The following CAD variants were observed in gnomAD, a reference collection of about 807,000 sequenced individuals.
The protein encoded by CAD is carbamoyl-phosphate synthetase 2, aspartate transcarbamylase, and dihydroorotase, also known as multifunctional protein CAD.
Under a neutral mutation model 237.2 loss-of-function variants are expected in CAD, and 81 were observed. The observed-to-expected ratio is 0.34, with a 90% confidence interval of 0.29 to 0.41. CAD has a LOEUF of 0.41. Ranked by LOEUF, CAD falls within the 10% of genes least tolerant of loss-of-function variation. The pLI, the probability that CAD is intolerant of heterozygous loss-of-function variation, is 1.00. For missense variants in CAD, 2,181 were observed against 2,951.7 expected, an observed-to-expected ratio of 0.74 and a Z score of 6.05; for synonymous variants, 1,196 against 1,162.8, an observed-to-expected ratio of 1.03 and a Z score of -0.58.
intron 2 of CAD, 132 bp from the exon 3 acceptor site, chr2:27,221,086 A>T (rs1675142798): frequency 1.6e-6 from 1 of 609,798 alleles, no homozygotes; most frequent in East Asian, 3.1e-5. Context: ...ACCTATGCAA[A>T]AGCACCAAAA....
At chr2:27,218,474 A>G (rs1397859988) in intron 2 of CAD, among the ~76,000 whole-genome samples, 1 of 152,132 alleles carries the variant, frequency 6.6e-6, no homozygotes, top group African/African-American at 2.4e-5. Context: ...TTTTTTTAGC[A>G]GCAGAGTCAG....
At chr2:27,221,965 A>G (rs944439731) in intron 3 of CAD, among the ~76,000 whole-genome samples, 2 of 147,708 alleles carry the variant, frequency 1.4e-5, no homozygotes, top group Admixed American at 6.8e-5. Context: ...TTTTCCCTTT[A>G]TATTATTTTC....
Position 27,222,972 on chromosome 2 carries a change from C to T in CAD, c.744C>T (p.Val248=). ...TATCTGAGCCTAATCCCCGACCTGT[C>T]TTTGGGATCTGCCTGGGACACCAGC... The part of the protein sequence containing the change: ...RVLSEPNPRP[V]FGICLGHQLL... The change falls in exon 6 of 44, where the codon GTC becomes GTT. Residue 248 remains valine (V), a synonymous_variant. Transcript: ENST00000264705. 1 of 1,614,150 alleles carries T rather than the reference C, an allele frequency of 6.2e-7. No individual in the cohort carries two copies.
rs937111753 is a variant in CAD, at chr2:27,242,488, A to G, written c.6222+61A>G. The G allele has an allele frequency of 2.0e-5, 32 of 1,591,270 alleles. No individual in the cohort carries two copies. Among genetic ancestry groups the G allele is most frequent in the Non-Finnish European group, 2.7e-5 (31 of 1,165,622 alleles). On this transcript the variant is annotated intron_variant, in intron 40 of 43. Transcript: ENST00000264705. This position sits in a 1 kb window ranked among gnomAD's most constrained non-coding sequence, Gnocchi z 6.4. ...GGACGATCTAGAGAGGGAGGCAGGA[A>G]GTGGTTACCCCGGTACAGGACAGCT...
chr2:27,222,647 A>G lies in CAD; in HGVS notation c.624A>G (p.Ala208=), dbSNP rs149796184. 3.7e-6 allele frequency: 6 copies of G among 1,613,678 alleles called. No homozygotes were observed. Among genetic ancestry groups the G allele is most frequent in the South Asian group, 1.1e-5 (1 of 91,086 alleles). The change falls in exon 5 of 44, where the codon GCA becomes GCG. Residue 208 remains alanine (A), a synonymous_variant. Coordinates refer to ENST00000264705, the MANE Select transcript of CAD (RefSeq NM_004341.5). The stretch of plus-strand genomic sequence containing the variant: ...TCACTGTGGTACCCTGGGACCATGC[A>G]CTAGACAGCCAAGGTGAGTAGCTGG... ...AEVTVVPWDH[A]LDSQEYEGLF...
chr2:27,218,055 G>A (rs1276217030), intron 2 of CAD, 39 bp downstream of exon 2: 3 of 1,538,362 alleles, frequency 2.0e-6, no homozygotes, highest in South Asian at 2.5e-5. Flanking sequence ...TCCTTTTCAA[G>A]TCAGTAATTG....
In CAD at chr2:27,240,529, C is replaced by T; in HGVS notation, c.5593+168C>T. 2.6e-6 allele frequency: 4 copies of T among 1,545,354 alleles called. No individual in the cohort carries two copies. Among genetic ancestry groups the T allele is most frequent in the Non-Finnish European group, 3.5e-6 (4 of 1,142,462 alleles). On this transcript the variant is annotated intron_variant, in intron 35 of 43. Coordinates refer to ENST00000264705, the MANE Select transcript of CAD (RefSeq NM_004341.5). This position sits in a 1 kb window ranked among gnomAD's most constrained non-coding sequence, Gnocchi z 4.6. ...AAGTCTCCCCGGTGTGAGTAGACAT[C>T]TCACAGCTTCTCACATGCCCTTTTT...
chr2:27,232,724 C>T lies in CAD; in HGVS notation c.2892+30C>T. The T allele has an allele frequency of 6.2e-7, 1 of 1,613,498 alleles. No homozygotes were observed. ...GAGAGTTCATTTTCTTTCCACTTTCCTTGCTATTCTGTTCATCTCTAGCAA... is the reference window on the plus strand; with the variant it reads ...GAGAGTTCATTTTCTTTCCACTTTCTTTGCTATTCTGTTCATCTCTAGCAA... On this transcript the variant is annotated intron_variant, in intron 18 of 43. Coordinates refer to ENST00000264705, the MANE Select transcript of CAD (RefSeq NM_004341.5). This position sits in a 1 kb window ranked among gnomAD's most constrained non-coding sequence, Gnocchi z 4.1.
chr2:27,238,199 C>T lies in CAD; in HGVS notation c.4860+12C>T. 6.2e-7 allele frequency: 1 copy of T among 1,613,240 alleles called. No individual in the cohort carries two copies. Among genetic ancestry groups the T allele is most frequent in the Non-Finnish European group, 8.5e-7 (1 of 1,179,716 alleles). On this transcript the variant is annotated intron_variant, in intron 30 of 43. Transcript: ENST00000264705. The stretch of plus-strand genomic sequence containing the variant: ...CACGGAAGGAGGAGGTAAGAGTACA[C>T]CTGAGATCCTGCTGTCCCTGTTGCT...
chr2:27,217,687 C>A (rs566367558), intron 1 of CAD, 54 bp downstream of exon 1: 2 of 1,480,178 alleles, frequency 1.4e-6, no homozygotes, highest in Non-Finnish European at 1.8e-6. Flanking sequence ...ATGCGCCTCT[C>A]CTCCCAACCT....
chr2:27,227,002 A>G (rs372394247), intron 15 of CAD, 40 bp downstream of exon 15: 8 of 1,592,580 alleles, frequency 5.0e-6, no homozygotes, highest in East Asian at 4.5e-5. Flanking sequence ...GGGCCCCACC[A>G]TGACCAAGAA....
rs1165667499 is a variant in CAD at position 27,240,462 on chromosome 2, C to T, written c.5593+101C>T. 1.1e-5 allele frequency: 16 copies of T among 1,487,484 alleles called. No individual in the cohort carries two copies. In the Middle Eastern group the frequency reaches 1.0e-3, roughly 95 times the overall value. The allele number at this position is 1,487,484 out of a possible 1,614,324, so 92.1% of individuals were successfully genotyped here. ...TACTTACATGTCCTCCTCTCCATCC[C>T]TTTATCCTCGTCTGATCTGCCGTGC... On this transcript the variant is annotated intron_variant, in intron 35 of 43. Coordinates refer to ENST00000264705, the MANE Select transcript of CAD (RefSeq NM_004341.5). This position sits in a 1 kb window ranked among gnomAD's most constrained non-coding sequence, Gnocchi z 4.6.
Position 27,235,885 on chromosome 2 carries a change from A to AAC in CAD, c.4074+246_4074+247insCA. On this transcript the variant is annotated intron_variant, in intron 25 of 43. Transcript: ENST00000264705. This position sits in a 1 kb window ranked among gnomAD's most constrained non-coding sequence, Gnocchi z 5.2. ...TGAGATGCTGTCTCAAAAAAAAAAA[A>AAC]AACAAAGAATTATCTCCTATTCCCC... 10 of 497,778 alleles carry AAC rather than the reference A, an allele frequency of 2.0e-5. No homozygotes were observed. The highest frequency in any genetic ancestry group is 1.4e-4 in the African/African-American group (7 of 51,434). 30.8% of individuals were successfully genotyped at this position (497,778 alleles called of 1,614,324 possible). A position where few individuals can be genotyped will look rare whatever the true frequency, so the allele number is the denominator to read the frequency against.
rs748029537 is a variant in CAD at position 27,239,049 on chromosome 2, T to C, written c.5070T>C (p.His1690=). Residue 1690 remains histidine (H), a synonymous_variant, in exon 32 of 44, where the codon CAT becomes CAC. Transcript: ENST00000264705. The surrounding 1 kb of genome is among the most constrained non-coding windows in gnomAD (Gnocchi z 4.0). The part of the protein sequence containing the change: ...IDCFASDHAP[H]TLEEKCGSRP... ...TGGCTTTCTTTCTCCCAGCTCCCCA[T>C]ACCTTGGAGGAGAAGTGTGGGTCCA... 5.8e-6 allele frequency: 9 copies of C among 1,556,490 alleles called. No individual in the cohort carries two copies. Among genetic ancestry groups the C allele is most frequent in the Non-Finnish European group, 6.9e-6 (8 of 1,154,808 alleles).
chr2:27,233,561 C>T lies in CAD; in HGVS notation c.3216+25C>T. 6.2e-7 allele frequency: 1 copy of T among 1,613,780 alleles called. No homozygotes were observed. The highest frequency in any genetic ancestry group is 8.5e-7 in the Non-Finnish European group (1 of 1,179,676). ...GGTGGGCTGGGACCTGGTGGGTTACCCGGAGGCTGGATGATGCTTGGGGGA... is the reference window on the plus strand; with the variant it reads ...GGTGGGCTGGGACCTGGTGGGTTACTCGGAGGCTGGATGATGCTTGGGGGA... On this transcript the variant is annotated intron_variant, in intron 20 of 43. Transcript: ENST00000264705. The surrounding 1 kb of genome is among the most constrained non-coding windows in gnomAD (Gnocchi z 6.3).
rs745396460 is a variant in CAD, at chr2:27,242,929, C to G, written c.6436C>G (p.Arg2146Gly). Reference protein sequence around the residue: ...LPDTDVLYMTRIQKERFGSTQ... With the variant: ...LPDTDVLYMTGIQKERFGSTQ... ...TGACACTGATGTGCTCTACATGACTCGAATCCAGAAGGAACGATTTGGCTC... is the reference window on the plus strand; with the variant it reads ...TGACACTGATGTGCTCTACATGACTGGAATCCAGAAGGAACGATTTGGCTC... Residue 2146 changes from arginine (R) to glycine (G), a missense_variant, in exon 42 of 44, where the codon CGA (arginine) becomes GGA (glycine). Physicochemically the swap from Arg to Gly is moderately radical, Grantham distance 125. This residue lies in a region of CAD where 170 missense variants were observed against 212.1 expected (regional missense o/e 0.80). Coordinates refer to ENST00000264705, the MANE Select transcript of CAD (RefSeq NM_004341.5). The surrounding 1 kb of genome is among the most constrained non-coding windows in gnomAD (Gnocchi z 6.4). 1.9e-6 allele frequency: 3 copies of G among 1,610,224 alleles called. No individual in the cohort carries two copies. Among genetic ancestry groups the G allele is most frequent in the East Asian group, 2.2e-5 (1 of 44,756 alleles).
chr2:27,243,162 C>G (rs769566405), intron 42 of CAD, 36 bp from the exon 43 acceptor site: 25 of 1,599,900 alleles, frequency 1.6e-5, no homozygotes, highest in Non-Finnish European at 2.0e-5. Context: ...CCACTCCTAC[C>G]CCAAGGCACT....
Position 27,234,019 on chromosome 2 carries a change from G to C in CAD, c.3411G>C (p.Val1137=). ...TGTCCCCCCGCTAGGAGATTGACGT[G>C]GATGCCGTGGCCTCTGATGGTGTGG... ...KFIQEAKEID[V]DAVASDGVVA... is the part of the protein sequence containing the mutation. Residue 1137 remains valine (V), a synonymous_variant, in exon 22 of 44, where the codon GTG becomes GTC. Transcript: ENST00000264705. The C allele has an allele frequency of 1.9e-6, 3 of 1,613,876 alleles. No homozygotes were observed. Among genetic ancestry groups the C allele is most frequent in the Non-Finnish European group, 2.5e-6 (3 of 1,179,900 alleles).
In CAD at chr2:27,226,149, T is replaced by G; in HGVS notation, c.1861T>G (p.Leu621Val). Residue 621 changes from leucine to valine, a missense_variant, in exon 13 of 44, where the codon TTG (leucine) becomes GTG (valine). Around this residue, in one of 12 missense-constraint regions of CAD, gnomAD observed 385 missense variants for 535.1 expected, o/e 0.72. Coordinates refer to ENST00000264705, the MANE Select transcript of CAD (RefSeq NM_004341.5). ...TTCACAGGTGTGTAACATGGAGAAC[T>G]TGGACCCACTGGGCATCCACACTGG... ...NCVTVCNMEN[L>V]DPLGIHTGES... 6.2e-7 allele frequency: 1 copy of G among 1,614,116 alleles called. No homozygotes were observed. The highest frequency in any genetic ancestry group is 2.2e-5 in the East Asian group (1 of 44,872).
Sources: gnomAD v4.1 joint callset for allele counts (sites outside exome capture counted in the v4.1 genomes callset) on GRCh38, gnomAD v4.1.1 for gene constraint, gnomAD v4.1.1 regional missense constraint, Gnocchi (gnomAD v3.1) non-coding constraint, MANE v1.5 for transcripts, NCBI Gene and HGNC (gene_info 2026-07-23, HGNC 2026-07-21) for gene names.